Variants in TFB1M observed in about 807,000 individuals in gnomAD.
The protein encoded by TFB1M is transcription factor B1, mitochondrial.
A neutral mutation model predicts 31.1 loss-of-function variants in TFB1M; 27 were observed. The observed-to-expected ratio is 0.87, with a 90% CI of 0.64 to 1.20. The LOEUF (loss-of-function observed/expected upper bound fraction) is 1.20. TFB1M is among the 50% of genes most tolerant of loss of function. TFB1M has a pLI of 0.00. For missense variants in TFB1M, 394 were observed against 418.7 expected, an observed-to-expected ratio of 0.94 and a Z score of 0.51; for synonymous variants, 166 against 151.8, an observed-to-expected ratio of 1.09 and a Z score of -0.69.
At chr6:155,285,115 C>T (rs376713929) in intron 5 of TFB1M, 43 bp downstream of exon 5, 17 of 1,611,266 alleles carry the variant, frequency 1.1e-5, no homozygotes, top group Middle Eastern at 3.3e-4. Context: ...GGGGAACAAA[C>T]GTCCTAATTC....
chr6:155,249,923 C>A, the TFB1M span: 4 of 1,614,054 alleles, frequency 2.5e-6, no homozygotes, highest in Non-Finnish European at 3.4e-6. Context: ...GATTATGGGA[C>A]CGTGTTTGAC....
At chr6:155,282,969 C>T (rs865892868) in intron 5 of TFB1M, among the ~76,000 whole-genome samples, 19 of 152,110 alleles carry the variant, frequency 1.2e-4, no homozygotes, top group South Asian at 1.2e-3. Flanking sequence ...CCTCGTGATC[C>T]GCCCACCTCG....
At chr6:155,248,740 A>G in the TFB1M span, among the ~76,000 whole-genome samples, 1 of 152,246 alleles carries the variant, frequency 6.6e-6, no homozygotes, top group Non-Finnish European at 1.5e-5. Flanking sequence ...CAAAAACACA[A>G]AGCCTTGCAG....
intron 5 of TFB1M, among the ~76,000 whole-genome samples, chr6:155,281,111 A>G (rs1785480366): frequency 6.6e-6 from 1 of 152,222 alleles, no homozygotes; most frequent in African/African-American, 2.4e-5. Flanking sequence ...TTAGTCCATA[A>G]ATATTTGTTT....
chr6:155,306,091 A>C (rs913825797), intron 2 of TFB1M, among the ~76,000 whole-genome samples: 1 of 152,122 alleles, frequency 6.6e-6, no homozygotes, highest in Non-Finnish European at 1.5e-5. Flanking sequence ...GCAAATAAGC[A>C]CATCGTATGT....
intron 5 of TFB1M, among the ~76,000 whole-genome samples, chr6:155,280,571 A>AGGGC (rs1785450909): frequency 6.6e-6 from 1 of 152,000 alleles, no homozygotes; most frequent in East Asian, 1.9e-4. Flanking sequence ...TCAATACATC[A>AGGGC]CCTTTATGAA....
intron 2 of TFB1M, 44 bp from the exon 3 acceptor site, chr6:155,298,629 C>T (rs750437788): frequency 2.7e-5 from 36 of 1,328,606 alleles, no homozygotes; most frequent in East Asian, 1.2e-4. Flanking sequence ...TATACTTATG[C>T]GAGTAACAAA....
the TFB1M span, chr6:155,250,898 G>T: frequency 3.7e-6 from 6 of 1,612,840 alleles, no homozygotes; most frequent in Non-Finnish European, 5.1e-6. Context: ...CTTACCTCCT[G>T]TTTTTACAAT....
chr6:155,264,530 A>G (rs547441688), intron 5 of TFB1M, among the ~76,000 whole-genome samples: 1 of 152,316 alleles, frequency 6.6e-6, no homozygotes, highest in African/African-American at 2.4e-5. Context: ...GATCAACTAC[A>G]CGGTCAGTAC....
rs1554249752 is a variant in TFB1M at position 155,257,273 on chromosome 6, G to GTTAT, written c.*559_*562dup. On this transcript the variant is annotated 3_prime_UTR_variant, in exon 7 of 7. Coordinates refer to ENST00000367166, the MANE Select transcript of TFB1M (RefSeq NM_016020.4). Reference sequence around the variant, plus strand: ...CCACAAAATGGTTGTAAAGATTTAAGTTATTTTAATTTATTGTGGATCAGA... The same window carrying GTTAT: ...CCACAAAATGGTTGTAAAGATTTAAGTTATTTATTTTAATTTATTGTGGATCAGA... 5.7e-6 allele frequency: 5 copies of GTTAT among 879,334 alleles called. No homozygotes were observed. The highest frequency in any genetic ancestry group is 3.0e-5 in the Admixed American group (1 of 33,324). 54.5% of individuals were successfully genotyped at this position (879,334 alleles called of 1,614,324 possible).
At chr6:155,253,826 A>G (rs1264367191), downstream of TFB1M, 3 of 596,920 alleles carry the variant, frequency 5.0e-6, no homozygotes, top group Non-Finnish European at 8.7e-6. Flanking sequence ...TGTGAAAATC[A>G]TACATAGAAC....
chr6:155,243,772 A>C, the TFB1M span, among the ~76,000 whole-genome samples: 1 of 132,364 alleles, frequency 7.6e-6, no homozygotes, highest in Non-Finnish European at 1.6e-5. Flanking sequence ...TCTTGAACCC[A>C]GGAGGCAGAG....
At chr6:155,293,256 T>A (rs975478762) in intron 4 of TFB1M, among the ~76,000 whole-genome samples, 24 of 152,012 alleles carry the variant, frequency 1.6e-4, no homozygotes, top group Non-Finnish European at 2.4e-4. Flanking sequence ...TTAGAGATAA[T>A]TTTTTTTCAT....
At chr6:155,280,833 T>C (rs1342878568) in intron 5 of TFB1M, among the ~76,000 whole-genome samples, 1 of 152,216 alleles carries the variant, frequency 6.6e-6, no homozygotes, top group Non-Finnish European at 1.5e-5. Context: ...AAGGCCTCAA[T>C]AGCTGTGAAC....
In TFB1M at chr6:155,273,672, G is replaced by C. The variant is rs564241211; in HGVS notation, c.666+11486C>G. Among the ~76,000 whole-genome samples, 5 of 152,280 alleles carry C rather than the reference G, an allele frequency of 3.3e-5. No individual in the cohort carries two copies. The South Asian group carries it at 1.0e-3, about 32-fold the overall frequency. The stretch of plus-strand genomic sequence containing the variant: ...ACACACAGGGGGAGAAAGAATTTCA[G>C]CAGGAAGTGTTGTGGTAAAAGGGGA... On this transcript the variant is annotated intron_variant, in intron 5 of 6. Transcript: ENST00000367166.
intron 1 of TFB1M, among the ~76,000 whole-genome samples, chr6:155,312,376 T>C (rs1016985618): frequency 3.9e-5 from 6 of 152,218 alleles, no homozygotes; most frequent in Non-Finnish European, 7.3e-5. Flanking sequence ...AGGACTCCTA[T>C]CCCAATTTCA....
the TFB1M span, among the ~76,000 whole-genome samples, chr6:155,242,334 A>G: frequency 1.3e-5 from 2 of 152,200 alleles, no homozygotes; most frequent in Non-Finnish European, 2.9e-5. Flanking sequence ...GCTGACGTTT[A>G]ACACAGAATC....
chr6:155,313,586 C>T (rs1582893045), intron 1 of TFB1M, among the ~76,000 whole-genome samples: 1 of 152,090 alleles, frequency 6.6e-6, no homozygotes, highest in African/African-American at 2.4e-5. Context: ...TAAATACATT[C>T]GTCAAAACTC....
At chr6:155,266,613 A>G (rs2352573) in intron 5 of TFB1M, among the ~76,000 whole-genome samples, 99,717 of 151,938 alleles carry the variant, frequency 0.66, 33,483 homozygotes, top group East Asian at 0.98. Flanking sequence ...TTGGAAGGCC[A>G]AAGCGGGCGA....
Sources: allele counts gnomAD v4.1 joint callset (sites outside exome capture counted in the v4.1 genomes callset), GRCh38; gene constraint gnomAD v4.1.1; transcripts MANE v1.5; gene names NCBI Gene and HGNC (gene_info 2026-07-23, HGNC 2026-07-21).